VEGFC: variants seen among roughly 807,000 people sequenced by gnomAD.
VEGFC encodes the protein vascular endothelial growth factor C, also known as FLT4 ligand DHM.
A neutral mutation model predicts 46.1 loss-of-function variants in VEGFC; 12 were observed. The observed-to-expected ratio is 0.26, with a 90% confidence interval of 0.17 to 0.42. The LOEUF (loss-of-function observed/expected upper bound fraction) is 0.42, where lower values mean the gene tolerates loss of function less well. VEGFC is among the 10% of genes least tolerant of loss of function. The probability of loss-of-function intolerance (pLI) is 1.00; values close to 1 mark genes in which losing one functional copy is unlikely to be tolerated. For synonymous variants in VEGFC, 232 were observed against 195.5 expected (o/e 1.19, Z -1.56); for missense variants, 488 against 529.4 (o/e 0.92, Z 0.77).
At chr4:176,775,555 T>C (rs530320649) in intron 1 of VEGFC, among the ~76,000 whole-genome samples, 2 of 152,224 alleles carry the variant, frequency 1.3e-5, no homozygotes, top group African/African-American at 4.8e-5. Context: ...CAAGCAGTTG[T>C]TGACAGATGA....
At chr4:176,763,235 T>C (rs1425726896) in intron 1 of VEGFC, among the ~76,000 whole-genome samples, 1 of 152,092 alleles carries the variant, frequency 6.6e-6, no homozygotes, top group Non-Finnish European at 1.5e-5. Context: ...CCAAATACAA[T>C]TCCAAGGAAA....
chr4:176,686,780 T>C (rs1033940837), intron 6 of VEGFC, among the ~76,000 whole-genome samples: 1 of 152,182 alleles, frequency 6.6e-6, no homozygotes, highest in African/African-American at 2.4e-5. Context: ...CCAGATATAA[T>C]TCTATACCAG....
chr4:176,748,370 C>G (rs1735291253), intron 1 of VEGFC, among the ~76,000 whole-genome samples: 1 of 152,032 alleles, frequency 6.6e-6, no homozygotes, highest in African/African-American at 2.4e-5. Context: ...ACTTGTGGCT[C>G]TTATCCAACC....
At chr4:176,772,159 T>C (rs989303710) in intron 1 of VEGFC, among the ~76,000 whole-genome samples, 1 of 152,194 alleles carries the variant, frequency 6.6e-6, no homozygotes, top group Non-Finnish European at 1.5e-5. Flanking sequence ...TCAACACCAA[T>C]ATGTTAAAGA....
At position 176,716,508 on chromosome 4, in the gene VEGFC, C is replaced by T. The variant is rs1734700730; in HGVS notation, c.553-4858G>A. ...AGGAGAGTTTCTTGAACCCGGGAGG[C>T]AGAGGTTGCAGTGAGCCCAGATTGC... On this transcript the variant is annotated intron_variant, in intron 3 of 6. Coordinates refer to ENST00000618562, the MANE Select transcript of VEGFC (RefSeq NM_005429.5). Among the ~76,000 whole-genome samples, 7 of 140,312 alleles carry T rather than the reference C, an allele frequency of 5.0e-5. 1 individual carries two copies. Among genetic ancestry groups the T allele is most frequent in the Admixed American group, 4.7e-4 (6 of 12,790 alleles). The allele number at this position is 140,312 out of a possible 152,430, so 92.1% of individuals were successfully genotyped here.
chr4:176,789,082 C>T (rs1320093756), intron 1 of VEGFC, among the ~76,000 whole-genome samples: 1 of 152,202 alleles, frequency 6.6e-6, no homozygotes, highest in African/African-American at 2.4e-5. Context: ...ATTCGGGAAA[C>T]CTTCATTAGT....
intron 3 of VEGFC, among the ~76,000 whole-genome samples, chr4:176,714,922 C>T (rs866116600): frequency 2.0e-5 from 3 of 152,114 alleles, no homozygotes; most frequent in Non-Finnish European, 2.9e-5. Flanking sequence ...TGGCTCTATG[C>T]TTTCAAAGGC....
At chr4:176,706,588 T>C (rs1390305631) in intron 4 of VEGFC, among the ~76,000 whole-genome samples, 1 of 137,044 alleles carries the variant, frequency 7.3e-6, no homozygotes, top group African/African-American at 2.8e-5. Context: ...ATCACGTCAT[T>C]GTACTCCAGC....
chr4:176,699,255 T>C (rs1734382413), intron 4 of VEGFC, among the ~76,000 whole-genome samples: 1 of 152,192 alleles, frequency 6.6e-6, no homozygotes, highest in Non-Finnish European at 1.5e-5. Context: ...CCAGCATTAG[T>C]GAAACCCATG....
intron 4 of VEGFC, among the ~76,000 whole-genome samples, chr4:176,703,867 G>A (rs1055682325): frequency 6.6e-6 from 1 of 152,078 alleles, no homozygotes; most frequent in Non-Finnish European, 1.5e-5. Flanking sequence ...CTAGTTGTGT[G>A]ACATTGGGGA....
chr4:176,780,876 T>C (rs1354715961), intron 1 of VEGFC, among the ~76,000 whole-genome samples: 1 of 152,186 alleles, frequency 6.6e-6, no homozygotes, highest in Non-Finnish European at 1.5e-5. Context: ...ATTTTAAATA[T>C]TTTCAATCTT....
intron 1 of VEGFC, among the ~76,000 whole-genome samples, chr4:176,747,200 A>C (rs1303546829): frequency 2.0e-5 from 3 of 152,132 alleles, no homozygotes; most frequent in Non-Finnish European, 4.4e-5. Context: ...AATGAGATGC[A>C]CTTAAACACT....
chr4:176,749,871 T>G (rs1735313724), intron 1 of VEGFC, among the ~76,000 whole-genome samples: 1 of 151,686 alleles, frequency 6.6e-6, no homozygotes, highest in Non-Finnish European at 1.5e-5. Flanking sequence ...GAACCCCTAC[T>G]TAACTGTCCC....
intron 1 of VEGFC, among the ~76,000 whole-genome samples, chr4:176,777,641 G>C (rs1417778746): frequency 6.6e-6 from 1 of 151,924 alleles, no homozygotes; most frequent in African/African-American, 2.4e-5. Context: ...TTATATATAG[G>C]CCAGGCTCCG....
chr4:176,688,773 A>G (rs1468042907), intron 4 of VEGFC, among the ~76,000 whole-genome samples: 2 of 152,170 alleles, frequency 1.3e-5, no homozygotes, highest in Non-Finnish European at 2.9e-5. Flanking sequence ...CCCACGTGAC[A>G]TGAGCCCTCT....
chr4:176,708,614 T>C lies in VEGFC; in HGVS notation c.704+2885A>G, dbSNP rs911163506. ...GTAATTTGTTTTAGTTTTATGCTTATACATAATTAATTACATGTGAAGTTA... is the reference window on the plus strand; with the variant it reads ...GTAATTTGTTTTAGTTTTATGCTTACACATAATTAATTACATGTGAAGTTA... On this transcript the variant is annotated intron_variant, in intron 4 of 6. Transcript: ENST00000618562. Among the ~76,000 whole-genome samples the C allele has an allele frequency of 3.3e-5, 5 of 152,308 alleles. No individual in the cohort carries two copies. In the East Asian group the frequency reaches 9.6e-4, roughly 29 times the overall value.
rs541499488 is a variant in VEGFC at position 176,755,215 on chromosome 4, G to A, written c.148-25469C>T. 6.6e-5 allele frequency among the ~76,000 whole-genome samples: 10 copies of A among 152,144 alleles called. No homozygotes were observed. The South Asian group carries it at 1.9e-3, about 28-fold the overall frequency. On this transcript the variant is annotated intron_variant, in intron 1 of 6. Transcript: ENST00000618562. ...TGTCCATGGTCTCAGTATTTCAGTA[G>A]ATACCAGTCCAACTTTCAACTGTTA...
chr4:176,746,705 G>T (rs1322025589), intron 1 of VEGFC, among the ~76,000 whole-genome samples: 1 of 152,012 alleles, frequency 6.6e-6, no homozygotes, highest in Non-Finnish European at 1.5e-5. Context: ...TTGATGCTGT[G>T]GTTTCTAGTA....
chr4:176,745,846 AAAT>A (rs1410780431), intron 1 of VEGFC, among the ~76,000 whole-genome samples: 1 of 152,112 alleles, frequency 6.6e-6, no homozygotes, highest in Non-Finnish European at 1.5e-5. Flanking sequence ...ATCTTTTTGC[AAAT>A]AATGGCTGTG....
Sources: allele counts gnomAD v4.1 joint callset (sites outside exome capture counted in the v4.1 genomes callset), GRCh38; gene constraint gnomAD v4.1.1; transcripts MANE v1.5; gene names NCBI Gene and HGNC (gene_info 2026-07-23, HGNC 2026-07-21).